The following GALNTL6 variants were observed in gnomAD, a reference collection of about 807,000 sequenced individuals.
GALNTL6 encodes the protein polypeptide N-acetylgalactosaminyltransferase like 6, also known as polypeptide N-acetylgalactosaminyltransferase-like 6.
A neutral mutation model predicts 73.7 loss-of-function variants in GALNTL6; 46 were observed. The observed-to-expected ratio is 0.62, with a 90% confidence interval of 0.49 to 0.80. GALNTL6 has a LOEUF of 0.80. Among genes scored for constraint, GALNTL6 ranks in the 30% least tolerant of loss-of-function variants. GALNTL6 has a pLI of 0.00. For missense variants in GALNTL6, 604 were observed against 755.0 expected, an observed-to-expected ratio of 0.80 and a Z score of 2.34; for synonymous variants, 259 against 263.7, an observed-to-expected ratio of 0.98 and a Z score of 0.17.
chr4:172,275,963 A>G (rs1738816934), intron 3 of GALNTL6, among the ~76,000 whole-genome samples: 1 of 152,198 alleles, frequency 6.6e-6, no homozygotes, highest in African/African-American at 2.4e-5. Flanking sequence ...TCCCCCACCA[A>G]AAAATAGATC....
intron 5 of GALNTL6, among the ~76,000 whole-genome samples, chr4:172,787,675 AC>A (rs1258968053): frequency 1.3e-5 from 2 of 152,194 alleles, no homozygotes; most frequent in Non-Finnish European, 2.9e-5. Context: ...CAGGAGGATC[AC>A]TGAGGAGGAG....
chr4:172,487,355 T>C (rs1287040690), intron 5 of GALNTL6, among the ~76,000 whole-genome samples: 9 of 115,792 alleles, frequency 7.8e-5, no homozygotes, highest in African/African-American at 2.7e-4. Flanking sequence ...TCTTTCTTTC[T>C]TTCCTTCTTT....
At chr4:172,112,757 A>T (rs1005775710) in intron 2 of GALNTL6, among the ~76,000 whole-genome samples, 5 of 152,000 alleles carry the variant, frequency 3.3e-5, no homozygotes, top group African/African-American at 1.2e-4. Flanking sequence ...AGACATGATT[A>T]AATTCTGAGG....
chr4:172,213,741 C>T (rs1189112421), intron 2 of GALNTL6, among the ~76,000 whole-genome samples: 1 of 152,008 alleles, frequency 6.6e-6, no homozygotes, highest in Non-Finnish European at 1.5e-5. Context: ...GGAATTTTTA[C>T]AATGTCTTTC....
At chr4:171,943,481 T>C (rs186783665) in intron 2 of GALNTL6, among the ~76,000 whole-genome samples, 1 of 152,326 alleles carries the variant, frequency 6.6e-6, no homozygotes, top group Admixed American at 6.5e-5. Context: ...ATATTAAATG[T>C]TTCACTACAT....
intron 9 of GALNTL6, among the ~76,000 whole-genome samples, chr4:172,947,469 G>T (rs1278531021): frequency 6.6e-6 from 1 of 152,152 alleles, no homozygotes; most frequent in African/African-American, 2.4e-5. Context: ...CTAACACCTG[G>T]CTCTGTATAT....
At chr4:172,796,014 G>A (rs1310652531) in intron 5 of GALNTL6, among the ~76,000 whole-genome samples, 7 of 151,346 alleles carry the variant, frequency 4.6e-5, no homozygotes, top group Admixed American at 4.6e-4. Flanking sequence ...AGTACACTTT[G>A]AATATAAACC....
At chr4:172,709,188 A>G (rs1734544442) in intron 5 of GALNTL6, among the ~76,000 whole-genome samples, 1 of 151,898 alleles carries the variant, frequency 6.6e-6, no homozygotes, top group South Asian at 2.1e-4. Context: ...CTCCCCTCAT[A>G]TTCAGAGTCC....
intron 5 of GALNTL6, among the ~76,000 whole-genome samples, chr4:172,775,518 G>T (rs1008973255): frequency 1.3e-5 from 2 of 152,048 alleles, no homozygotes; most frequent in Non-Finnish European, 2.9e-5. Context: ...ATGGTACATG[G>T]GTCTGTACCA....
chr4:172,418,486 G>A (rs978905459), intron 5 of GALNTL6, among the ~76,000 whole-genome samples: 22 of 152,078 alleles, frequency 1.4e-4, no homozygotes, highest in African/African-American at 5.1e-4. Flanking sequence ...TTCACATATG[G>A]AGCAGATCTG....
intron 8 of GALNTL6, among the ~76,000 whole-genome samples, chr4:172,894,948 T>C (rs929392675): frequency 4.3e-5 from 6 of 140,664 alleles, no homozygotes; most frequent in African/African-American, 1.5e-4. Flanking sequence ...TCTTGTTTTT[T>C]TTACAGTTTT....
chr4:172,895,031 C>T (rs984842835), intron 8 of GALNTL6, among the ~76,000 whole-genome samples: 17 of 149,760 alleles, frequency 1.1e-4, no homozygotes, highest in Admixed American at 2.7e-4. Context: ...TTTCTATTTG[C>T]GTGAGTGGAA....
chr4:172,996,161 GT>G (rs1365322964), intron 10 of GALNTL6, among the ~76,000 whole-genome samples: 2 of 147,046 alleles, frequency 1.4e-5, no homozygotes, highest in African/African-American at 2.5e-5. Context: ...TAAAGAAAAT[GT>G]GACACACACA....
intron 2 of GALNTL6, among the ~76,000 whole-genome samples, chr4:171,901,265 AG>A (rs1737085513): frequency 6.6e-6 from 1 of 152,222 alleles, no homozygotes; most frequent in African/African-American, 2.4e-5. Flanking sequence ...AAGAGACTAT[AG>A]AGTACAACAA....
chr4:172,755,831 T>G (rs372062431), intron 5 of GALNTL6, among the ~76,000 whole-genome samples: 4 of 152,204 alleles, frequency 2.6e-5, no homozygotes, highest in East Asian at 3.8e-4. Context: ...CTGTGGCATA[T>G]TCTTCCTGTG....
intron 2 of GALNTL6, among the ~76,000 whole-genome samples, chr4:172,099,438 C>G (rs1210955838): frequency 6.6e-6 from 1 of 152,148 alleles, no homozygotes; most frequent in East Asian, 1.9e-4. Context: ...CCTTAAAGAA[C>G]TGAAGGTCCT....
intron 5 of GALNTL6, among the ~76,000 whole-genome samples, chr4:172,590,694 T>A (rs1051436970): frequency 2.0e-5 from 3 of 152,200 alleles, no homozygotes; most frequent in Non-Finnish European, 4.4e-5. Context: ...TTTTAATACT[T>A]AAAATCCATC....
At chr4:172,198,417 A>C (rs1258982376) in intron 2 of GALNTL6, among the ~76,000 whole-genome samples, 2 of 144,432 alleles carry the variant, frequency 1.4e-5, no homozygotes, top group African/African-American at 2.5e-5. Context: ...ATTTACAAGA[A>C]AAAAAAAAGA....
chr4:172,190,543 G>C (rs1735545643), intron 2 of GALNTL6, among the ~76,000 whole-genome samples: 1 of 151,722 alleles, frequency 6.6e-6, no homozygotes, highest in African/African-American at 2.4e-5. Context: ...GAAGAGGAAG[G>C]TGCATTTTAA....
Sources: gnomAD v4.1 joint callset for allele counts (sites outside exome capture counted in the v4.1 genomes callset) on GRCh38, gnomAD v4.1.1 for gene constraint, MANE v1.5 for transcripts, NCBI Gene and HGNC (gene_info 2026-07-23, HGNC 2026-07-21) for gene names.